The following CPA6 variants were observed in gnomAD, a reference collection of about 807,000 sequenced individuals.
CPA6 encodes carboxypeptidase B.
CPA6 carries 58 observed loss-of-function variants against 63.3 expected under a neutral mutation model. That is an observed-to-expected ratio of 0.92 (90% CI 0.74 to 1.14). The LOEUF (loss-of-function observed/expected upper bound fraction) is 1.14. Among genes scored for constraint, CPA6 ranks in the 50% most tolerant of loss-of-function variants. The pLI is 0.00. For synonymous variants in CPA6, 185 were observed against 179.0 expected (o/e 1.03, Z -0.27); for missense variants, 565 against 526.6 (o/e 1.07, Z -0.71).
chr8:67,569,599 G>A, intron 2 of CPA6: 5 of 451,586 alleles, frequency 1.1e-5, no homozygotes, highest in South Asian at 1.7e-5. Context: ...TGAAATTGAT[G>A]AAGAACCAGT....
chr8:67,719,584 A>T (rs1159748266), intron 1 of CPA6, among the ~76,000 whole-genome samples: 5 of 152,162 alleles, frequency 3.3e-5, no homozygotes, highest in African/African-American at 1.2e-4. Flanking sequence ...ACAAAAAGGC[A>T]CTTTCGGAAG....
In CPA6 at chr8:67,517,918, C is replaced by G; in HGVS notation, c.317+5G>C. ...ATTTTATAGCAAGTGAAAAGGAATG[C>G]TTACTTGTACTGGATGTTGGCTTCC... On this transcript the variant is annotated splice_donor_5th_base_variant and intron_variant, in intron 3 of 10. Coordinates refer to ENST00000297770, the MANE Select transcript of CPA6 (RefSeq NM_020361.5). 6.3e-7 allele frequency: 1 copy of G among 1,598,940 alleles called. No homozygotes were observed. The highest frequency in any genetic ancestry group is 8.5e-7 in the Non-Finnish European group (1 of 1,174,990).
At chr8:67,493,525 C>T (rs963600384) in intron 6 of CPA6, among the ~76,000 whole-genome samples, 7 of 152,140 alleles carry the variant, frequency 4.6e-5, no homozygotes, top group South Asian at 2.1e-4. Context: ...TGGAAAATAA[C>T]CTGCTTCCCT....
chr8:67,683,737 C>G (rs563572321), intron 1 of CPA6, among the ~76,000 whole-genome samples: 1 of 152,194 alleles, frequency 6.6e-6, no homozygotes, highest in South Asian at 2.1e-4. Context: ...TCTACAGATC[C>G]TATAACACTG....
At chr8:67,659,455 A>G (rs1266507272) in intron 1 of CPA6, among the ~76,000 whole-genome samples, 1 of 152,246 alleles carries the variant, frequency 6.6e-6, no homozygotes, top group Non-Finnish European at 1.5e-5. Context: ...GTAATTTTGG[A>G]TATAATTTAT....
chr8:67,680,516 T>C (rs1380982437), intron 1 of CPA6, among the ~76,000 whole-genome samples: 1 of 150,848 alleles, frequency 6.6e-6, no homozygotes, highest in Non-Finnish European at 1.5e-5. Flanking sequence ...GCTTTTCTCA[T>C]GATTACACAT....
At chr8:67,631,081 A>G (rs1023877510) in intron 1 of CPA6, among the ~76,000 whole-genome samples, 7 of 152,164 alleles carry the variant, frequency 4.6e-5, no homozygotes, top group African/African-American at 1.7e-4. Flanking sequence ...CCCATCGACC[A>G]CCCAAGGGCT....
chr8:67,472,896 T>C (rs1471702634), intron 8 of CPA6, among the ~76,000 whole-genome samples: 1 of 152,178 alleles, frequency 6.6e-6, no homozygotes, highest in Non-Finnish European at 1.5e-5. Flanking sequence ...AACAACAATA[T>C]AGTGTTTTGT....
At chr8:67,520,308 G>C (rs750529360) in intron 2 of CPA6, among the ~76,000 whole-genome samples, 1 of 152,140 alleles carries the variant, frequency 6.6e-6, no homozygotes, top group Non-Finnish European at 1.5e-5. Context: ...CCACAGGAAA[G>C]TTCCATGAAA....
chr8:67,570,668 C>T (rs913335735), intron 2 of CPA6, among the ~76,000 whole-genome samples: 3 of 151,858 alleles, frequency 2.0e-5, no homozygotes, highest in Admixed American at 6.6e-5. Context: ...TTCATGATAA[C>T]CAAAAAGCAA....
intron 1 of CPA6, among the ~76,000 whole-genome samples, chr8:67,694,114 CT>C (rs1432101345): frequency 6.6e-6 from 1 of 152,290 alleles, no homozygotes; most frequent in East Asian, 1.9e-4. Flanking sequence ...ATCTAAAAAG[CT>C]GCTAGTTTTG....
At chr8:67,633,516 T>C (rs1368506269) in intron 1 of CPA6, among the ~76,000 whole-genome samples, 6 of 151,978 alleles carry the variant, frequency 3.9e-5, no homozygotes, top group Non-Finnish European at 4.4e-5. Flanking sequence ...CTCGTCTCTA[T>C]TAAAAATACA....
At chr8:67,675,258 C>A (rs924870658) in intron 1 of CPA6, among the ~76,000 whole-genome samples, 6 of 152,092 alleles carry the variant, frequency 3.9e-5, no homozygotes, top group African/African-American at 1.4e-4. Context: ...GGCACCTTTC[C>A]CCACCAGACA....
intron 1 of CPA6, among the ~76,000 whole-genome samples, chr8:67,676,822 C>A (rs1005600407): frequency 2.0e-5 from 3 of 152,112 alleles, no homozygotes; most frequent in Non-Finnish European, 2.9e-5. Context: ...GTATAAAAGC[C>A]TTTAAATGCT....
chr8:67,704,285 C>G (rs1464535480), intron 1 of CPA6, among the ~76,000 whole-genome samples: 1 of 152,194 alleles, frequency 6.6e-6, no homozygotes, highest in East Asian at 1.9e-4. Context: ...CTGTGCCCTT[C>G]TCAATACGCG....
intron 2 of CPA6, among the ~76,000 whole-genome samples, chr8:67,521,639 C>T (rs527416907): frequency 3.9e-5 from 6 of 152,260 alleles, no homozygotes; most frequent in African/African-American, 1.2e-4. Context: ...AGTTCAACTT[C>T]GTATGGTTAA....
chr8:67,426,441 GT>G (rs796386851), intron 10 of CPA6, among the ~76,000 whole-genome samples: 6,512 of 147,318 alleles, frequency 0.044, 447 homozygotes, highest in African/African-American at 0.15. Flanking sequence ...TTTAAATACA[GT>G]TTTTTTTTTT....
chr8:67,503,734 A>G (rs1458900952), intron 6 of CPA6, among the ~76,000 whole-genome samples: 3 of 152,048 alleles, frequency 2.0e-5, no homozygotes. Context: ...TTTTGCATGC[A>G]TTATATTATT....
intron 2 of CPA6, among the ~76,000 whole-genome samples, chr8:67,621,666 T>C (rs1815085885): frequency 1.3e-5 from 2 of 152,238 alleles, no homozygotes. Flanking sequence ...TGTAGCATTG[T>C]GGCTGAGAGG....
Sources: allele counts gnomAD v4.1 joint callset (sites outside exome capture counted in the v4.1 genomes callset), GRCh38; gene constraint gnomAD v4.1.1; transcripts MANE v1.5; gene names NCBI Gene and HGNC (gene_info 2026-07-23, HGNC 2026-07-21).